Variants in ABCB4 observed in about 807,000 individuals in gnomAD.
The protein encoded by ABCB4 is phosphatidylcholine translocator ABCB4.
In ABCB4, 76 loss-of-function variants were observed where a neutral mutation model predicts 145.7. The observed-to-expected ratio is 0.52, with a 90% CI of 0.43 to 0.63. The LOEUF is 0.63. Among genes scored for constraint, ABCB4 ranks in the 30% least tolerant of loss-of-function variants. The pLI is 0.00. For missense variants in ABCB4, 1,234 were observed against 1,553.1 expected (o/e 0.79, Z 3.45); for synonymous variants, 517 against 566.8 (o/e 0.91, Z 1.25).
the ABCB4 span, among the ~76,000 whole-genome samples, chr7:87,393,809 C>T: frequency 6.6e-6 from 1 of 152,130 alleles, no homozygotes; most frequent in East Asian, 1.9e-4. Flanking sequence ...GTTTCTAATA[C>T]AACTGACCCT....
At chr7:87,411,757 G>A (rs896127685) in intron 23 of ABCB4, 136 bp downstream of exon 23, 1 of 758,564 alleles carries the variant, frequency 1.3e-6, no homozygotes, top group African/African-American at 1.8e-5. Flanking sequence ...TGCCTGCCAG[G>A]ATGGAAACTG....
rs555535540 is a variant in ABCB4, at chr7:87,431,672, G to A, written c.1732-107C>T. 38 of 1,406,176 alleles carry A rather than the reference G, an allele frequency of 2.7e-5. 2 individuals are homozygous for A. The South Asian group carries it at 4.3e-4, about 16-fold the overall frequency. The allele number at this position is 1,406,176 out of a possible 1,614,324, so 87.1% of individuals were successfully genotyped here. ...AATGCTGTTTGTAGATGATTAGAGAGTAGTTTATACTCCAGATCTCTGCGT... is the reference window on the plus strand; with the variant it reads ...AATGCTGTTTGTAGATGATTAGAGAATAGTTTATACTCCAGATCTCTGCGT... On this transcript the variant is annotated intron_variant, in intron 14 of 27. Transcript: ENST00000649586.
intron 2 of ABCB4, among the ~76,000 whole-genome samples, chr7:87,474,800 C>T (rs892350755): frequency 2.0e-5 from 3 of 152,076 alleles, no homozygotes; most frequent in Non-Finnish European, 4.4e-5. Flanking sequence ...CGCTGCTTCC[C>T]CCTACCACTT....
intron 3 of ABCB4, among the ~76,000 whole-genome samples, chr7:87,465,969 G>GA (rs1026386281): frequency 6.6e-6 from 1 of 152,136 alleles, no homozygotes; most frequent in Non-Finnish European, 1.5e-5. Context: ...CAGAAAAACT[G>GA]AAAATTCTAA....
chr7:87,426,804 G>T lies in ABCB4; in HGVS notation c.2010C>A (p.Asn670Lys), dbSNP rs753337768. The T allele has an allele frequency of 8.1e-6, 13 of 1,614,006 alleles. No individual in the cohort carries two copies. The highest frequency in any genetic ancestry group is 4.5e-5 in the East Asian group (2 of 44,862). ...SRLFRHSTQKNLKNSQMCQKS... is the reference protein window; with the variant it reads ...SRLFRHSTQKKLKNSQMCQKS... ...TCTGACACATTTGTGAATTTTTAAG[G>T]TTTTTCTGAGTAGAATGCCTAAATA... The change falls in exon 16 of 28, where the codon AAC becomes AAA. Residue 670 changes from asparagine to lysine, a missense_variant. Asn to Lys is a moderately conservative substitution (Grantham distance 94, BLOSUM62 0). Coordinates refer to ENST00000649586, the MANE Select transcript of ABCB4 (RefSeq NM_000443.4).
At chr7:87,403,321 T>C in intron 26 of ABCB4, 40 bp from the exon 27 acceptor site, 1 of 1,575,188 alleles carries the variant, frequency 6.3e-7, no homozygotes, top group Admixed American at 1.7e-5. Context: ...GAATGAACTG[T>C]TGCTTAACAG....
intron 27 of ABCB4, among the ~76,000 whole-genome samples, chr7:87,402,564 A>G (rs1344435154): frequency 6.6e-6 from 1 of 152,212 alleles, no homozygotes; most frequent in African/African-American, 2.4e-5. Flanking sequence ...CTGTTTAACT[A>G]GTTCCCTTTT....
upstream of ABCB4, chr7:87,475,774 T>A: frequency 3.8e-6 from 1 of 262,580 alleles, no homozygotes; most frequent in Non-Finnish European, 7.0e-6. Flanking sequence ...CGCCTACCGT[T>A]GCAGCCAGGG....
At chr7:87,456,443 A>G (rs887177478) in intron 4 of ABCB4, among the ~76,000 whole-genome samples, 13 of 152,062 alleles carry the variant, frequency 8.5e-5, no homozygotes, top group African/African-American at 3.1e-4. Context: ...CACTCAGTTC[A>G]TGTGACAGCT....
chr7:87,381,952 T>C, the ABCB4 span: 18 of 1,611,260 alleles, frequency 1.1e-5, no homozygotes, highest in Non-Finnish European at 1.5e-5. Flanking sequence ...CATCAGTTAT[T>C]ATGTGGATGA....
chr7:87,442,295 A>G (rs936163480), intron 12 of ABCB4, among the ~76,000 whole-genome samples: 2 of 152,112 alleles, frequency 1.3e-5, no homozygotes, highest in African/African-American at 4.8e-5. Flanking sequence ...AAATTAAATA[A>G]ATAGTTCCAT....
At chr7:87,379,965 G>T in the ABCB4 span, among the ~76,000 whole-genome samples, 1 of 152,032 alleles carries the variant, frequency 6.6e-6, no homozygotes, top group Non-Finnish European at 1.5e-5. Context: ...TAAAAAATTA[G>T]TTGGGCATGG....
intron 2 of ABCB4, 122 bp from the exon 3 acceptor site, chr7:87,472,797 A>G: frequency 1.3e-6 from 1 of 772,978 alleles, no homozygotes; most frequent in East Asian, 2.7e-5. Context: ...AGTGATGTTC[A>G]CAAAATGTCA....
At chr7:87,472,739 T>A in intron 2 of ABCB4, 64 bp from the exon 3 acceptor site, 1 of 1,135,240 alleles carries the variant, frequency 8.8e-7, no homozygotes, top group Admixed American at 1.9e-5. Context: ...CAATTGAACA[T>A]AAATATGTTT....
rs559187706 is a variant in ABCB4, at chr7:87,453,069, A to G, written c.411T>C (p.Phe137=). The part of the protein sequence containing the change: ...VLVAAYIQVS[F]WTLAAGRQIR... ...TCTGTCGACCAGCTGCCAAAGTCCA[A>G]AATGAAACTTGTATATAGGCAGCAA... Residue 137 remains phenylalanine, a synonymous_variant, in exon 6 of 28, where the codon TTT becomes TTC. Transcript: ENST00000649586. 3.1e-6 allele frequency: 5 copies of G among 1,614,168 alleles called. No homozygotes were observed. The highest frequency in any genetic ancestry group is 4.2e-6 in the Non-Finnish European group (5 of 1,180,042).
intron 4 of ABCB4, among the ~76,000 whole-genome samples, chr7:87,462,322 A>G (rs1275852759): frequency 6.6e-6 from 1 of 152,114 alleles, no homozygotes; most frequent in Non-Finnish European, 1.5e-5. Flanking sequence ...AATTTTTTTT[A>G]AGGTGAAGGG....
chr7:87,468,708 G>A lies in ABCB4; in HGVS notation c.135+3913C>T, dbSNP rs944598432. On this transcript the variant is annotated intron_variant, in intron 3 of 27. Coordinates refer to ENST00000649586, the MANE Select transcript of ABCB4 (RefSeq NM_000443.4). ...AGCACTTTGGGAGGCTGAGGCGGGC[G>A]GATCACAAGGTCAAGAGATCAAGAC... is the stretch of plus-strand genomic sequence containing the variant. Among the ~76,000 whole-genome samples the A allele has an allele frequency of 9.2e-5, 14 of 151,930 alleles. 1 individual carries two copies. The highest frequency in any genetic ancestry group is 1.3e-4 in the Non-Finnish European group (9 of 67,972).
rs1364240137 is a variant in ABCB4, at chr7:87,413,602, C to T, written c.2783+15G>A. On this transcript the variant is annotated intron_variant, in intron 22 of 27. Coordinates refer to ENST00000649586, the MANE Select transcript of ABCB4 (RefSeq NM_000443.4). ...AAAGCACTAGGTTCTTAGCAGGAAT[C>T]ATATGGTTCATTACCTGTAAGGTCC... is the stretch of plus-strand genomic sequence containing the variant. The T allele has an allele frequency of 6.7e-7, 1 of 1,493,062 alleles. No homozygotes were observed. Among genetic ancestry groups the T allele is most frequent in the African/African-American group, 1.4e-5 (1 of 72,432 alleles). The allele number at this position is 1,493,062 out of a possible 1,614,324, so 92.5% of individuals were successfully genotyped here.
chr7:87,461,748 C>CA (rs1250196813), intron 4 of ABCB4, among the ~76,000 whole-genome samples: 1 of 152,076 alleles, frequency 6.6e-6, no homozygotes, highest in Non-Finnish European at 1.5e-5. Flanking sequence ...TAATATTTAT[C>CA]AATATTTATG....
Sources: gnomAD v4.1 joint callset for allele counts (sites outside exome capture counted in the v4.1 genomes callset) on GRCh38, gnomAD v4.1.1 for gene constraint, MANE v1.5 for transcripts, NCBI Gene and HGNC (gene_info 2026-07-23, HGNC 2026-07-21) for gene names.